CCDC171: variants seen among roughly 807,000 people sequenced by gnomAD.
CCDC171 encodes coiled-coil domain containing 171, also known as coiled-coil domain-containing protein 171.
CCDC171 carries 177 observed loss-of-function variants against 168.2 expected under a neutral mutation model. That is an observed-to-expected ratio of 1.05 (90% CI 0.93 to 1.19). The LOEUF (loss-of-function observed/expected upper bound fraction) is 1.19, where lower values mean the gene tolerates loss of function less well. Ranked by LOEUF, CCDC171 falls within the 50% of genes most tolerant of loss-of-function variation. CCDC171 has a pLI of 0.00. For missense variants in CCDC171, 1,991 were observed against 1,539.0 expected, an observed-to-expected ratio of 1.29 and a Z score of -4.91; for synonymous variants, 687 against 540.8, an observed-to-expected ratio of 1.27 and a Z score of -3.75.
chr9:15,626,727 T>A (rs276442), intron 7 of CCDC171, among the ~76,000 whole-genome samples: 8,222 of 152,302 alleles, frequency 0.054, 268 homozygotes, highest in African/African-American at 0.089. Flanking sequence ...AGTATTTTAC[T>A]GAGGATTTTT....
At chr9:16,079,619 T>C in the CCDC171 span, among the ~76,000 whole-genome samples, 1 of 152,224 alleles carries the variant, frequency 6.6e-6, no homozygotes, top group Non-Finnish European at 1.5e-5. Context: ...GAGCCGATTC[T>C]TTCTGGGTAA....
chr9:15,952,784 C>T (rs1829352614), intron 25 of CCDC171, among the ~76,000 whole-genome samples: 1 of 152,158 alleles, frequency 6.6e-6, no homozygotes, highest in Non-Finnish European at 1.5e-5. Context: ...GTATTGACAT[C>T]TTAAGAATAT....
intron 24 of CCDC171, among the ~76,000 whole-genome samples, chr9:15,904,564 A>G (rs1822231457): frequency 1.3e-5 from 2 of 152,166 alleles, no homozygotes; most frequent in Non-Finnish European, 2.9e-5. Context: ...GCCACTGCAA[A>G]AACATGCCAA....
At chr9:15,946,867 A>C (rs1247062456) in intron 25 of CCDC171, among the ~76,000 whole-genome samples, 1 of 151,954 alleles carries the variant, frequency 6.6e-6, no homozygotes, top group Non-Finnish European at 1.5e-5. Flanking sequence ...GTTAGGTTTC[A>C]AGATATGTTG....
At chr9:15,765,999 A>G (rs905398908) in intron 18 of CCDC171, among the ~76,000 whole-genome samples, 5 of 152,156 alleles carry the variant, frequency 3.3e-5, no homozygotes, top group Non-Finnish European at 4.4e-5. Context: ...AGAGCGGAGG[A>G]CACGTTTGTT....
At chr9:16,017,857 G>A (rs1285884320) in intron 3 of CCDC171, among the ~76,000 whole-genome samples, 5 of 152,136 alleles carry the variant, frequency 3.3e-5, no homozygotes, top group African/African-American at 9.7e-5. Context: ...ATAACTTTAA[G>A]AGCAGCACCG....
chr9:15,982,021 A>C (rs886930245), intron 3 of CCDC171, among the ~76,000 whole-genome samples: 2 of 152,164 alleles, frequency 1.3e-5, no homozygotes, highest in Non-Finnish European at 2.9e-5. Flanking sequence ...GATAAAGTTC[A>C]TATTGTAGTT....
intron 12 of CCDC171, 67 bp from the exon 13 acceptor site, chr9:15,723,614 C>G (rs764533388): frequency 1.8e-6 from 2 of 1,138,352 alleles, no homozygotes; most frequent in East Asian, 2.5e-5. Context: ...AGTTACCCAT[C>G]CTTGAAAAAT....
At chr9:15,696,514 G>T (rs1159107268) in intron 11 of CCDC171, among the ~76,000 whole-genome samples, 1 of 152,142 alleles carries the variant, frequency 6.6e-6, no homozygotes, top group Non-Finnish European at 1.5e-5. Flanking sequence ...CAGGTATCCA[G>T]TTTCAATTAT....
chr9:15,928,945 A>C (rs1470792966), intron 25 of CCDC171, among the ~76,000 whole-genome samples: 2 of 151,670 alleles, frequency 1.3e-5, no homozygotes, highest in African/African-American at 4.8e-5. Context: ...TATGTAATGC[A>C]GTTTAAGAAG....
chr9:15,559,513 T>C (rs2039093961), intron 1 of CCDC171, among the ~76,000 whole-genome samples: 1 of 152,174 alleles, frequency 6.6e-6, no homozygotes, highest in African/African-American at 2.4e-5. Context: ...TTTTGATCTT[T>C]GTTAGTTTAA....
Position 15,803,830 on chromosome 9 carries a change from G to C in CCDC171, c.3267+19136G>C, listed in dbSNP as rs1217507749. Among the ~76,000 whole-genome samples the C allele has an allele frequency of 2.0e-5, 3 of 152,144 alleles. No individual in the cohort carries two copies. In the East Asian group the frequency reaches 5.8e-4, roughly 29 times the overall value. On this transcript the variant is annotated intron_variant, in intron 21 of 25. Transcript: ENST00000380701. ...TGTCAACGATAGTTTAATGGGAATA[G>C]CATCGAATCTATAAATCACTTTGGG...
chr9:15,840,932 T>C (rs2060652915), intron 21 of CCDC171, among the ~76,000 whole-genome samples: 1 of 152,266 alleles, frequency 6.6e-6, no homozygotes, highest in African/African-American at 2.4e-5. Flanking sequence ...AGTTCCTTTT[T>C]ATTCCATTAT....
chr9:16,039,133 G>A (rs1833529812), upstream of CCDC171, among the ~76,000 whole-genome samples: 1 of 152,192 alleles, frequency 6.6e-6, no homozygotes, highest in Non-Finnish European at 1.5e-5. Flanking sequence ...ATGATAATGA[G>A]AGTTGTCCAA....
intron 6 of CCDC171, among the ~76,000 whole-genome samples, chr9:16,028,608 A>T (rs762988534): frequency 9.2e-5 from 14 of 151,954 alleles, no homozygotes; most frequent in Non-Finnish European, 1.3e-4. Flanking sequence ...AGTTTTGTTA[A>T]ATCTGGCAGC....
At chr9:15,721,515 T>A (rs1484212590) in intron 11 of CCDC171, among the ~76,000 whole-genome samples, 3 of 150,940 alleles carry the variant, frequency 2.0e-5, no homozygotes, top group Non-Finnish European at 4.4e-5. Flanking sequence ...AAATTTAAAT[T>A]TGATATATTA....
intron 24 of CCDC171, among the ~76,000 whole-genome samples, chr9:15,899,172 A>C (rs574411676): frequency 6.6e-6 from 1 of 152,120 alleles, no homozygotes. Context: ...GTCAATATTG[A>C]TTAATAGTTT....
chr9:15,839,264 A>C (rs956491950), intron 21 of CCDC171, among the ~76,000 whole-genome samples: 2 of 152,216 alleles, frequency 1.3e-5, no homozygotes, highest in African/African-American at 4.8e-5. Context: ...GAAAGTAACC[A>C]TTTAAATATA....
chr9:16,058,405 A>G (rs1433995758), intron 1 of CCDC171, among the ~76,000 whole-genome samples: 1 of 151,828 alleles, frequency 6.6e-6, no homozygotes, highest in Non-Finnish European at 1.5e-5. Context: ...GACAGCAGGT[A>G]TGCTGCAGGT....
Sources: gnomAD v4.1 joint callset for allele counts (sites outside exome capture counted in the v4.1 genomes callset) on GRCh38, gnomAD v4.1.1 for gene constraint, MANE v1.5 for transcripts, NCBI Gene and HGNC (gene_info 2026-07-23, HGNC 2026-07-21) for gene names.